The following CAST variants were observed in gnomAD, a reference collection of about 807,000 sequenced individuals.
CAST encodes the protein MIR583 host.
A neutral mutation model predicts 119.6 loss-of-function variants in CAST; 76 were observed. That is an observed-to-expected ratio of 0.64 (90% CI 0.53 to 0.77). The LOEUF (loss-of-function observed/expected upper bound fraction) is 0.77, where lower values mean the gene tolerates loss of function less well. Among genes scored for constraint, CAST ranks in the 30% least tolerant of loss-of-function variants. The pLI is 0.00. For missense variants in CAST, 953 were observed against 946.5 expected (o/e 1.01, Z -0.09); for synonymous variants, 319 against 331.6 (o/e 0.96, Z 0.41).
chr5:96,514,296 G>A, the CAST span, among the ~76,000 whole-genome samples: 3 of 152,152 alleles, frequency 2.0e-5, no homozygotes, highest in Non-Finnish European at 4.4e-5. Context: ...TGGTTCACAG[G>A]TTATTCATTT....
chr5:96,635,144 G>A (rs1410474645), intron 1 of CAST, among the ~76,000 whole-genome samples: 3 of 152,198 alleles, frequency 2.0e-5, no homozygotes, highest in African/African-American at 4.8e-5. Context: ...AGAGCAATGT[G>A]AGCAGAGACA....
chr5:96,714,722 T>A (rs1287908657), intron 3 of CAST: 4 of 152,148 alleles, frequency 2.6e-5, no homozygotes, highest in African/African-American at 9.7e-5. Flanking sequence ...GAATACAACT[T>A]CAGGAAAGAA....
chr5:96,090,098 T>A, the CAST span, among the ~76,000 whole-genome samples: 1 of 152,162 alleles, frequency 6.6e-6, no homozygotes, highest in Non-Finnish European at 1.5e-5. Flanking sequence ...TTAAGTAAGG[T>A]CCCTAGCACG....
chr5:96,053,207 G>A, the CAST span, among the ~76,000 whole-genome samples: 1 of 152,130 alleles, frequency 6.6e-6, no homozygotes, highest in Non-Finnish European at 1.5e-5. Context: ...AACTACTAAT[G>A]CCCGTGTCCT....
At chr5:96,389,305 T>G in the CAST span, among the ~76,000 whole-genome samples, 2 of 152,186 alleles carry the variant, frequency 1.3e-5, no homozygotes, top group South Asian at 4.1e-4. Flanking sequence ...ATATGTTAAT[T>G]TGCTTGACTG....
chr5:96,737,536 T>C (rs1761914162), intron 10 of CAST, among the ~76,000 whole-genome samples: 1 of 152,222 alleles, frequency 6.6e-6, no homozygotes, highest in African/African-American at 2.4e-5. Flanking sequence ...TTTTTCCTTT[T>C]TTAACTGTCA....
the CAST span, among the ~76,000 whole-genome samples, chr5:96,145,328 G>C: frequency 6.6e-6 from 1 of 152,076 alleles, no homozygotes; most frequent in Non-Finnish European, 1.5e-5. Flanking sequence ...TTTTATTTAG[G>C]TTGCAAAAAT....
At chr5:96,099,701 T>C in the CAST span, among the ~76,000 whole-genome samples, 1 of 152,236 alleles carries the variant, frequency 6.6e-6, no homozygotes, top group African/African-American at 2.4e-5. Flanking sequence ...GATAAGCTTT[T>C]TGATGTGCTG....
the CAST span, among the ~76,000 whole-genome samples, chr5:96,304,849 G>A: frequency 2.6e-5 from 4 of 152,138 alleles, no homozygotes; most frequent in Non-Finnish European, 4.4e-5. Flanking sequence ...TTTGGTTACT[G>A]TAGCCTTGTA....
chr5:96,421,870 A>G, the CAST span: 2 of 1,409,730 alleles, frequency 1.4e-6, no homozygotes, highest in Non-Finnish European at 2.0e-6. Context: ...ACAAATGCAT[A>G]TTTACTCACT....
the CAST span, among the ~76,000 whole-genome samples, chr5:96,431,862 A>G: frequency 6.6e-6 from 1 of 152,112 alleles, no homozygotes; most frequent in African/African-American, 2.4e-5. Context: ...AATGCAGACC[A>G]ACTTCCCAAG....
chr5:96,093,731 G>A, the CAST span, among the ~76,000 whole-genome samples: 1 of 152,220 alleles, frequency 6.6e-6, no homozygotes, highest in Non-Finnish European at 1.5e-5. Context: ...TATCTAGGCA[G>A]GAGATGGTAA....
intron 1 of CAST, among the ~76,000 whole-genome samples, chr5:96,547,135 TGTGTATTCC>T (rs1746034458): frequency 4.3e-5 from 1 of 23,246 alleles, no homozygotes; most frequent in Non-Finnish European, 9.8e-5. Flanking sequence ...GGATAGCACC[TGTGTATTCC>T]CTGGGGTTCT....
chr5:96,351,672 G>A, the CAST span, among the ~76,000 whole-genome samples: 2 of 152,074 alleles, frequency 1.3e-5, no homozygotes, highest in African/African-American at 4.8e-5. Context: ...GAAACACTGA[G>A]GGGAAAGGTA....
chr5:96,156,926 T>C, the CAST span, among the ~76,000 whole-genome samples: 28 of 152,358 alleles, frequency 1.8e-4, no homozygotes, highest in South Asian at 4.6e-3. Context: ...ATAAAAATTA[T>C]TTGACTACTT....
chr5:96,543,146 A>G (rs569170177), intron 1 of CAST, among the ~76,000 whole-genome samples: 1 of 152,358 alleles, frequency 6.6e-6, no homozygotes, highest in South Asian at 2.1e-4. Flanking sequence ...ATGCCCATCA[A>G]TGATAGACTG....
chr5:96,118,670 T>G, the CAST span, among the ~76,000 whole-genome samples: 1 of 150,894 alleles, frequency 6.6e-6, no homozygotes, highest in Non-Finnish European at 1.5e-5. Context: ...CGTGGACTGG[T>G]GTTCATGGTG....
At chr5:96,018,228 C>T in the CAST span, among the ~76,000 whole-genome samples, 23 of 152,138 alleles carry the variant, frequency 1.5e-4, no homozygotes, top group African/African-American at 5.5e-4. Flanking sequence ...ATATAGACTA[C>T]CAAGGAAAAA....
the CAST span, among the ~76,000 whole-genome samples, chr5:96,035,166 T>C: frequency 5.0e-4 from 71 of 142,920 alleles, no homozygotes; most frequent in African/African-American, 1.6e-3. Flanking sequence ...CTTCAAAATA[T>C]ATATTTTGAA....
Sources: gnomAD v4.1 joint callset for allele counts (sites outside exome capture counted in the v4.1 genomes callset) on GRCh38, gnomAD v4.1.1 for gene constraint, MANE v1.5 for transcripts, NCBI Gene and HGNC (gene_info 2026-07-23, HGNC 2026-07-21) for gene names.